The following LDB2 variants were observed in gnomAD, a reference collection of about 807,000 sequenced individuals.
LDB2 encodes LIM domain binding 2, also known as LIM domain-binding protein 2.
LDB2 carries 12 observed loss-of-function variants against 44.3 expected under a neutral mutation model. That is an observed-to-expected ratio of 0.27 (90% CI 0.17 to 0.44). The LOEUF (loss-of-function observed/expected upper bound fraction) is 0.44. Among genes scored for constraint, LDB2 ranks in the 20% least tolerant of loss-of-function variants. The probability of loss-of-function intolerance (pLI) is 1.00; values close to 1 mark genes in which losing one functional copy is unlikely to be tolerated. For missense variants in LDB2, 344 were observed against 473.5 expected (o/e 0.73, Z 2.54); for synonymous variants, 164 against 174.8 (o/e 0.94, Z 0.49).
chr4:16,695,746 G>A (rs1483213393), intron 2 of LDB2, among the ~76,000 whole-genome samples: 2 of 152,110 alleles, frequency 1.3e-5, no homozygotes, highest in Non-Finnish European at 2.9e-5. Context: ...GTGTGGTTGT[G>A]TTTCCAATAA....
At chr4:16,800,150 G>A (rs571471656) in intron 1 of LDB2, among the ~76,000 whole-genome samples, 19 of 150,554 alleles carry the variant, frequency 1.3e-4, no homozygotes, top group Admixed American at 1.2e-3. Flanking sequence ...TTACTGTCAG[G>A]AAAAAAAAAA....
intron 1 of LDB2, among the ~76,000 whole-genome samples, chr4:16,841,706 C>T (rs977592609): frequency 6.6e-6 from 1 of 152,144 alleles, no homozygotes; most frequent in African/African-American, 2.4e-5. Context: ...ATAAGCCGTA[C>T]ACAAATATCA....
At chr4:16,862,296 T>C (rs533867510) in intron 1 of LDB2, among the ~76,000 whole-genome samples, 3 of 152,028 alleles carry the variant, frequency 2.0e-5, no homozygotes, top group East Asian at 3.9e-4. Flanking sequence ...AAGCCCAAGT[T>C]TGATACCAGT....
intron 7 of LDB2, among the ~76,000 whole-genome samples, chr4:16,503,968 A>G (rs1348655857): frequency 4.7e-4 from 71 of 152,126 alleles, no homozygotes; most frequent in Non-Finnish European, 4.4e-5. Flanking sequence ...TTGGCATGGG[A>G]CAGGACATCT....
intron 1 of LDB2, among the ~76,000 whole-genome samples, chr4:16,821,379 T>TA (rs141660550): frequency 0.55 from 58,719 of 106,518 alleles, 12,149 homozygotes; most frequent in East Asian, 0.73. Context: ...TATTTGAATT[T>TA]TTTTTTTATT....
At chr4:16,670,814 T>C (rs1744534724) in intron 2 of LDB2, among the ~76,000 whole-genome samples, 1 of 152,230 alleles carries the variant, frequency 6.6e-6, no homozygotes. Context: ...AAGAGAAGGC[T>C]TGACATGTAA....
intron 1 of LDB2, among the ~76,000 whole-genome samples, chr4:16,847,669 C>G (rs983256309): frequency 5.3e-5 from 8 of 152,254 alleles, no homozygotes; most frequent in African/African-American, 1.2e-4. Context: ...CCAGGCTGGA[C>G]TGCAGTGGCG....
intron 1 of LDB2, among the ~76,000 whole-genome samples, chr4:16,854,370 G>A (rs34664385): frequency 0.41 from 61,434 of 148,100 alleles, 12,716 homozygotes; most frequent in South Asian, 0.59. Flanking sequence ...ATATAATTCT[G>A]TTGTGGGTTC....
intron 2 of LDB2, among the ~76,000 whole-genome samples, chr4:16,604,165 G>C (rs1028472087): frequency 6.6e-6 from 1 of 152,124 alleles, no homozygotes; most frequent in African/African-American, 2.4e-5. Context: ...CAAATATGTT[G>C]CACCCTCTGA....
chr4:16,537,961 G>A (rs1732424394), intron 5 of LDB2, among the ~76,000 whole-genome samples: 1 of 152,148 alleles, frequency 6.6e-6, no homozygotes, highest in Admixed American at 6.6e-5. Context: ...AACTGTCAAG[G>A]GTGTTTTACA....
chr4:16,844,878 C>T (rs1786649068), intron 1 of LDB2, among the ~76,000 whole-genome samples: 2 of 152,190 alleles, frequency 1.3e-5, no homozygotes, highest in Non-Finnish European at 2.9e-5. Flanking sequence ...CTGTATTAAA[C>T]ATTCAGAGCA....
chr4:16,788,279 C>A (rs186117256), intron 1 of LDB2, among the ~76,000 whole-genome samples: 1 of 152,312 alleles, frequency 6.6e-6, no homozygotes, highest in Admixed American at 6.5e-5. Context: ...TTGCTCACTG[C>A]CAGTGCCGGA....
At chr4:16,535,003 A>C (rs558366524) in intron 5 of LDB2, among the ~76,000 whole-genome samples, 3 of 152,030 alleles carry the variant, frequency 2.0e-5, no homozygotes, top group African/African-American at 7.3e-5. Context: ...GCCAGTCTCA[A>C]CTCTCCCCAA....
At position 16,780,224 on chromosome 4, in the gene LDB2, TA is replaced by T. The variant is rs1229686764; in HGVS notation, c.133-20965del. Among the ~76,000 whole-genome samples the T allele has an allele frequency of 5.3e-5, 8 of 152,314 alleles. No homozygotes were observed. In the East Asian group the frequency reaches 1.3e-3, roughly 26 times the overall value. ...AAGTGAGATGATTTCTAATTTTTTT[TA>T]TTTTATTATTTTTTTGAGATGGAGT... is the stretch of plus-strand genomic sequence containing the variant. On this transcript the variant is annotated intron_variant, in intron 1 of 7. Coordinates refer to ENST00000304523, the MANE Select transcript of LDB2 (RefSeq NM_001290.5).
intron 1 of LDB2, among the ~76,000 whole-genome samples, chr4:16,894,480 TTTG>T: frequency 6.6e-6 from 1 of 152,292 alleles, no homozygotes; most frequent in South Asian, 2.1e-4. Flanking sequence ...AAAATATACT[TTTG>T]TTGTTGTTGC....
intron 1 of LDB2, among the ~76,000 whole-genome samples, chr4:16,865,567 C>T (rs1714411715): frequency 6.6e-6 from 1 of 152,154 alleles, no homozygotes; most frequent in African/African-American, 2.4e-5. Context: ...CATTTTCCGT[C>T]TGGTAAATGT....
intron 2 of LDB2, among the ~76,000 whole-genome samples, chr4:16,602,477 G>C (rs1436177285): frequency 6.6e-6 from 1 of 152,168 alleles, no homozygotes; most frequent in Admixed American, 6.5e-5. Context: ...AGATGATAGA[G>C]ATGAGGTCAC....
intron 2 of LDB2, among the ~76,000 whole-genome samples, chr4:16,731,651 G>A (rs1760785562): frequency 6.6e-6 from 1 of 152,190 alleles, no homozygotes; most frequent in South Asian, 2.1e-4. Context: ...TCAACACTGA[G>A]AAAATAAATG....
At position 16,583,378 on chromosome 4, in the gene LDB2, C is replaced by A. The variant is rs192359257; in HGVS notation, c.615+2544G>T. On this transcript the variant is annotated intron_variant, in intron 5 of 7. Transcript: ENST00000304523. Reference sequence around the variant, plus strand: ...TTTGGATTCATATTTACCAAAGTATCCATCTGACCTCTTTTTCTGATACTG... The same window carrying A: ...TTTGGATTCATATTTACCAAAGTATACATCTGACCTCTTTTTCTGATACTG... Among the ~76,000 whole-genome samples, 103 of 152,264 alleles carry A rather than the reference C, an allele frequency of 6.8e-4. 1 individual carries two copies. The highest frequency in any genetic ancestry group is 4.2e-3 in the Admixed American group (64 of 15,294).
Sources: gnomAD v4.1 joint callset for allele counts (sites outside exome capture counted in the v4.1 genomes callset) on GRCh38, gnomAD v4.1.1 for gene constraint, MANE v1.5 for transcripts, NCBI Gene and HGNC (gene_info 2026-07-23, HGNC 2026-07-21) for gene names.